Variants in PTPRD observed in about 807,000 individuals in gnomAD.
PTPRD encodes protein tyrosine phosphatase receptor type D.
Under a neutral mutation model 214.5 loss-of-function variants are expected in PTPRD, and 34 were observed. That is an observed-to-expected ratio of 0.16 (90% CI 0.12 to 0.21). The LOEUF (loss-of-function observed/expected upper bound fraction) is 0.21, where lower values mean the gene tolerates loss of function less well. PTPRD is among the 10% of genes least tolerant of loss of function. The pLI, the probability that PTPRD is intolerant of heterozygous loss-of-function variation, is 1.00. For missense variants in PTPRD, 2,545 were observed against 2,398.7 expected (o/e 1.06, Z -1.27); for synonymous variants, 1,128 against 845.7 (o/e 1.33, Z -5.79).
At chr9:8,900,536 G>T (rs897045298) in intron 11 of PTPRD, among the ~76,000 whole-genome samples, 5 of 152,150 alleles carry the variant, frequency 3.3e-5, no homozygotes, top group Non-Finnish European at 4.4e-5. Flanking sequence ...CAGTCCTTGG[G>T]TCAGGTCACT....
chr9:8,941,759 T>C (rs1286045210), intron 11 of PTPRD, among the ~76,000 whole-genome samples: 1 of 152,152 alleles, frequency 6.6e-6, no homozygotes, highest in Non-Finnish European at 1.5e-5. Context: ...GGCTTTTAAG[T>C]AGTTGGTTAA....
Position 8,319,946 on chromosome 9 carries a change from C to G in PTPRD, c.5555G>C (p.Gly1852Ala), listed in dbSNP as rs752052315. 15 of 1,612,120 alleles carry G rather than the reference C, an allele frequency of 9.3e-6. No individual in the cohort carries two copies. Among genetic ancestry groups the G allele is most frequent in the African/African-American group, 8.0e-5 (6 of 74,728 alleles). ...VHCSAGVGRT[G>A]VFITLSIVLE... is the part of the protein sequence containing the mutation. ...AACAATGCTTAGCGTTATGAAGACTCCAGTTCTTCCAACGCCCGCGCTGCC... is the reference window on the plus strand; with the variant it reads ...AACAATGCTTAGCGTTATGAAGACTGCAGTTCTTCCAACGCCCGCGCTGCC... The change falls in exon 45 of 46, where the codon GGA (glycine) becomes GCA (alanine). Residue 1852 changes from glycine (G) to alanine (A), a missense_variant. Physicochemically the swap from Gly to Ala is moderately conservative, Grantham distance 60. Transcript: ENST00000381196.
At chr9:9,567,263 T>C (rs535414426) in intron 8 of PTPRD, among the ~76,000 whole-genome samples, 1 of 151,452 alleles carries the variant, frequency 6.6e-6, no homozygotes, top group Admixed American at 6.6e-5. Flanking sequence ...GGGTGGGAGG[T>C]TCTGCTAGGG....
chr9:9,663,635 ACT>A (rs2096660382), intron 7 of PTPRD, among the ~76,000 whole-genome samples: 1 of 151,302 alleles, frequency 6.6e-6, no homozygotes, highest in Non-Finnish European at 1.5e-5. Context: ...ATCACTGACA[ACT>A]CTCTCTCCTT....
rs150181316 is a variant in PTPRD at position 9,978,550 on chromosome 9, G to C, written c.-471-39940C>G. Among the ~76,000 whole-genome samples the C allele has an allele frequency of 5.9e-5, 9 of 152,152 alleles. No individual in the cohort carries two copies. The East Asian group carries it at 1.3e-3, about 23-fold the overall frequency. On this transcript the variant is annotated intron_variant, in intron 4 of 45. Transcript: ENST00000381196. ...AATTTAAAAAATAAATAAAAAAGCAGAGCATTAAGAGGCATGGGACACCAT... is the reference window on the plus strand; with the variant it reads ...AATTTAAAAAATAAATAAAAAAGCACAGCATTAAGAGGCATGGGACACCAT...
rs1369370813 is a variant in PTPRD, at chr9:8,518,245, T to G, written c.1146A>C (p.Gly382=). 6.2e-7 allele frequency: 1 copy of G among 1,614,188 alleles called. No individual in the cohort carries two copies. Among genetic ancestry groups the G allele is most frequent in the South Asian group, 1.1e-5 (1 of 91,088 alleles). The stretch of plus-strand genomic sequence containing the variant: ...ATTCATAATCCGAGTAGGGACTTAG[T>G]CCAGCGACACTGTAGCGTGTGGTCG... ...GVATTRYSVA[G]LSPYSDYEFR... Residue 382 remains glycine (G), a synonymous_variant, in exon 21 of 46, where the codon GGA becomes GGC. Coordinates refer to ENST00000381196, the MANE Select transcript of PTPRD (RefSeq NM_002839.4).
At chr9:9,354,522 A>ATT (rs5896320) in intron 9 of PTPRD, among the ~76,000 whole-genome samples, 2 of 150,910 alleles carry the variant, frequency 1.3e-5, no homozygotes, top group African/African-American at 4.9e-5. Context: ...AAAAACCTAC[A>ATT]TTTTTTTTTG....
At chr9:8,945,521 A>G (rs2099058688) in intron 11 of PTPRD, among the ~76,000 whole-genome samples, 1 of 151,960 alleles carries the variant, frequency 6.6e-6, no homozygotes, top group Admixed American at 6.6e-5. Context: ...GAATCCTCCT[A>G]AAGCATTCCA....
chr9:8,402,471 CT>C, intron 36 of PTPRD, among the ~76,000 whole-genome samples: 1 of 152,046 alleles, frequency 6.6e-6, no homozygotes. Context: ...ATTGAATGAC[CT>C]AATTCTTAGT....
intron 11 of PTPRD, among the ~76,000 whole-genome samples, chr9:8,815,108 G>GT (rs58257255): frequency 0.18 from 25,637 of 145,868 alleles, 4,503 homozygotes; most frequent in African/African-American, 0.45. Context: ...ATATAATTTA[G>GT]TTTTTTTTTT....
chr9:8,572,507 G>A (rs1173413562), intron 14 of PTPRD, among the ~76,000 whole-genome samples: 3 of 152,014 alleles, frequency 2.0e-5, no homozygotes, highest in Non-Finnish European at 4.4e-5. Flanking sequence ...GAATTTGTAA[G>A]TATTATAAAA....
intron 6 of PTPRD, among the ~76,000 whole-genome samples, chr9:9,757,955 G>A (rs1295489455): frequency 2.0e-5 from 3 of 151,876 alleles, no homozygotes; most frequent in Non-Finnish European, 4.4e-5. Context: ...CCGAATCTCT[G>A]ATCTAAGTCA....
intron 5 of PTPRD, among the ~76,000 whole-genome samples, chr9:9,901,774 G>A (rs2153809616): frequency 6.6e-6 from 1 of 152,150 alleles, no homozygotes; most frequent in African/African-American, 2.4e-5. Context: ...GCATGGCTGG[G>A]GAGGCCCCAG....
chr9:8,794,451 G>C (rs2154513795), intron 11 of PTPRD, among the ~76,000 whole-genome samples: 1 of 151,390 alleles, frequency 6.6e-6, no homozygotes, highest in African/African-American at 2.4e-5. Flanking sequence ...AATTACAGTA[G>C]ACTGTCCAGT....
chr9:8,801,170 A>G (rs2096563802), intron 11 of PTPRD, among the ~76,000 whole-genome samples: 2 of 152,312 alleles, frequency 1.3e-5, no homozygotes, highest in South Asian at 4.1e-4. Flanking sequence ...TAACCTTCCA[A>G]AGGGTCACAA....
At chr9:9,042,339 C>A (rs1309247427) in intron 10 of PTPRD, among the ~76,000 whole-genome samples, 4 of 152,126 alleles carry the variant, frequency 2.6e-5, no homozygotes, top group African/African-American at 9.7e-5. Flanking sequence ...ATCTCTAGGT[C>A]AACCACTATG....
chr9:9,827,641 G>C (rs900203090), intron 5 of PTPRD, among the ~76,000 whole-genome samples: 3 of 152,076 alleles, frequency 2.0e-5, no homozygotes, highest in African/African-American at 7.2e-5. Context: ...GGCAACAAAA[G>C]CCAAAACTGA....
At position 8,968,561 on chromosome 9, in the gene PTPRD, G is replaced by A. The variant is rs555840284; in HGVS notation, c.-104+50136C>T. Among the ~76,000 whole-genome samples the A allele has an allele frequency of 4.6e-5, 7 of 151,986 alleles. No individual in the cohort carries two copies. The East Asian group carries it at 9.7e-4, about 21-fold the overall frequency. ...AGGCACTTTTCTCAGTGTTATTTAT[G>A]TATTACCTCATTCAGTTCTTACCAT... On this transcript the variant is annotated intron_variant, in intron 11 of 45. Coordinates refer to ENST00000381196, the MANE Select transcript of PTPRD (RefSeq NM_002839.4).
At chr9:9,536,729 G>C (rs1440520182) in intron 8 of PTPRD, among the ~76,000 whole-genome samples, 2 of 152,008 alleles carry the variant, frequency 1.3e-5, no homozygotes, top group Non-Finnish European at 2.9e-5. Context: ...AAGCACTATC[G>C]CTTTTCAAAG....
Sources: allele counts gnomAD v4.1 joint callset (sites outside exome capture counted in the v4.1 genomes callset), GRCh38; gene constraint gnomAD v4.1.1; transcripts MANE v1.5; gene names NCBI Gene and HGNC (gene_info 2026-07-23, HGNC 2026-07-21).